ARL8A: variants seen among roughly 807,000 people sequenced by gnomAD.
ARL8A encodes ADP-ribosylation factor-like protein 8A.
In ARL8A, 10 loss-of-function variants were observed where a neutral mutation model predicts 31.2. The observed-to-expected ratio is 0.32, with a 90% CI of 0.20 to 0.54. The LOEUF (loss-of-function observed/expected upper bound fraction) is 0.54, where lower values mean the gene tolerates loss of function less well. ARL8A is among the 20% of genes least tolerant of loss of function. The pLI, the probability that ARL8A is intolerant of heterozygous loss-of-function variation, is 0.93. For synonymous variants in ARL8A, 70 were observed against 86.9 expected, an observed-to-expected ratio of 0.81 and a Z score of 1.08; for missense variants, 129 against 242.8, an observed-to-expected ratio of 0.53 and a Z score of 3.12.
At chr1:202,140,855 T>C (rs527252515) in intron 1 of ARL8A, among the ~76,000 whole-genome samples, 1 of 152,308 alleles carries the variant, frequency 6.6e-6, no homozygotes, top group East Asian at 1.9e-4. Context: ...CTTGTTTGTC[T>C]CTCATCCCAG....
At chr1:202,140,417 A>C (rs1383958472) in intron 1 of ARL8A, among the ~76,000 whole-genome samples, 1 of 151,676 alleles carries the variant, frequency 6.6e-6, no homozygotes, top group East Asian at 1.9e-4. Flanking sequence ...CTGGGATTAC[A>C]GGCGTGAGCC....
rs2147809860 is a variant in ARL8A at position 202,134,661 on chromosome 1, AT to A, written c.512-146del. On this transcript the variant is annotated intron_variant, in intron 6 of 6. Coordinates refer to ENST00000272217, the MANE Select transcript of ARL8A (RefSeq NM_138795.4). This position sits in a 1 kb window ranked among gnomAD's most constrained non-coding sequence, Gnocchi z 4.2. ...GGCGCACACCTGGAGTCTCAGCTAC[AT>A]GGGAAGCTCAGGTGAGAGGATTGCT... 1 of 751,158 alleles carries A rather than the reference AT, an allele frequency of 1.3e-6. No individual in the cohort carries two copies. The highest frequency in any genetic ancestry group is 2.5e-5 in the East Asian group (1 of 39,920). The allele number at this position is 751,158 out of a possible 1,614,324, so 46.5% of individuals were successfully genotyped here.
rs1654974581 is a variant in ARL8A, at chr1:202,135,297, T to C, written c.441-77A>G. 2 of 1,510,066 alleles carry C rather than the reference T, an allele frequency of 1.3e-6. No individual in the cohort carries two copies. Among genetic ancestry groups the C allele is most frequent in the Non-Finnish European group, 1.8e-6 (2 of 1,086,610 alleles). The allele number at this position is 1,510,066 out of a possible 1,614,324, so 93.5% of individuals were successfully genotyped here. ...TGGGGCTAGGGGACAGCGGGGCCTT[T>C]TTCTTACCTAAGAGGCTACAAAGGG... On this transcript the variant is annotated intron_variant, in intron 5 of 6. Coordinates refer to ENST00000272217, the MANE Select transcript of ARL8A (RefSeq NM_138795.4). The surrounding 1 kb of genome is among the most constrained non-coding windows in gnomAD (Gnocchi z 5.3).
chr1:202,134,588 A>G lies in ARL8A; in HGVS notation c.512-72T>C. The G allele has an allele frequency of 7.0e-7, 1 of 1,420,182 alleles. No individual in the cohort carries two copies. Among genetic ancestry groups the G allele is most frequent in the Non-Finnish European group, 1.0e-6 (1 of 1,003,512 alleles). The allele number at this position is 1,420,182 out of a possible 1,614,324, so 88.0% of individuals were successfully genotyped here. A position where few individuals can be genotyped will look rare whatever the true frequency, so the allele number is the denominator to read the frequency against. On this transcript the variant is annotated intron_variant, in intron 6 of 6. Transcript: ENST00000272217. This position sits in a 1 kb window ranked among gnomAD's most constrained non-coding sequence, Gnocchi z 4.2. ...CGTGCTGGGGCAGCAGAGAGGCCCA[A>G]GAAACCAAACCTAAGGGTATCAGAA...
chr1:202,144,465 G>A lies in ARL8A; in HGVS notation c.108C>T (p.Phe36=). The A allele has an allele frequency of 6.9e-7, 1 of 1,454,552 alleles. No individual in the cohort carries two copies. The highest frequency in any genetic ancestry group is 9.2e-7 in the Non-Finnish European group (1 of 1,082,076). The allele number at this position is 1,454,552 out of a possible 1,614,324, so 90.1% of individuals were successfully genotyped here. Residue 36 remains phenylalanine, a synonymous_variant, in exon 1 of 7, where the codon TTC becomes TTT. Transcript: ENST00000272217. The surrounding 1 kb of genome is among the most constrained non-coding windows in gnomAD (Gnocchi z 5.2). ...GCCCTCGTACCGCGATCACGTTGAC[G>A]AAGGTGGTCTTGCCCGAGTACTGAA... ...VGLQYSGKTT[F]VNVIASGQFN...
rs1571721506 is a variant in ARL8A at position 202,139,838 on chromosome 1, G to C, written c.124-1390C>G. On this transcript the variant is annotated intron_variant, in intron 1 of 6. Transcript: ENST00000272217. ...AATTTTTGTATTTTTAGTAGAGACA[G>C]GGTTTCACCACATTGGCCAGGATGG... is the stretch of plus-strand genomic sequence containing the variant. 3.3e-5 allele frequency among the ~76,000 whole-genome samples: 5 copies of C among 151,606 alleles called. No homozygotes were observed. The East Asian group carries it at 1.0e-3, about 30-fold the overall frequency.
Position 202,134,368 on chromosome 1 carries a change from A to G in ARL8A, c.*99T>C. 1 of 1,132,600 alleles carries G rather than the reference A, an allele frequency of 8.8e-7. No individual in the cohort carries two copies. Among genetic ancestry groups the G allele is most frequent in the Admixed American group, 1.8e-5 (1 of 54,632 alleles). The allele number at this position is 1,132,600 out of a possible 1,614,324, so 70.2% of individuals were successfully genotyped here. ...CAGAGGGCCCTCCTCACACTGGGTG[A>G]GGAGGGGTGGGCTTAGGGGGACGAC... On this transcript the variant is annotated 3_prime_UTR_variant, in exon 7 of 7. Transcript: ENST00000272217. The surrounding 1 kb of genome is among the most constrained non-coding windows in gnomAD (Gnocchi z 4.2).
chr1:202,144,426 A>T lies in ARL8A; in HGVS notation c.123+24T>A, dbSNP rs759074034. Reference sequence around the variant, plus strand: ...CCCGACCCGCGGCCCGCGCCCGGGGACCCCGCGCCCGACGCCCTCGTACCG... The same window carrying T: ...CCCGACCCGCGGCCCGCGCCCGGGGTCCCCGCGCCCGACGCCCTCGTACCG... On this transcript the variant is annotated intron_variant, in intron 1 of 6. Coordinates refer to ENST00000272217, the MANE Select transcript of ARL8A (RefSeq NM_138795.4). This position sits in a 1 kb window ranked among gnomAD's most constrained non-coding sequence, Gnocchi z 5.2. 1.5e-6 allele frequency: 2 copies of T among 1,369,392 alleles called. No individual in the cohort carries two copies. Among genetic ancestry groups the T allele is most frequent in the South Asian group, 1.2e-5 (1 of 80,170 alleles). The allele number at this position is 1,369,392 out of a possible 1,614,324, so 84.8% of individuals were successfully genotyped here. A position where few individuals can be genotyped will look rare whatever the true frequency, so the allele number is the denominator to read the frequency against.
Position 202,135,033 on chromosome 1 carries a change from T to A in ARL8A, c.511+117A>T. The A allele has an allele frequency of 9.5e-7, 1 of 1,052,182 alleles. No homozygotes were observed. The highest frequency in any genetic ancestry group is 1.4e-6 in the Non-Finnish European group (1 of 702,374). 65.2% of individuals were successfully genotyped at this position (1,052,182 alleles called of 1,614,324 possible). On this transcript the variant is annotated intron_variant, in intron 6 of 6. Transcript: ENST00000272217. The surrounding 1 kb of genome is among the most constrained non-coding windows in gnomAD (Gnocchi z 5.3). ...ATCTGGGCCACCTGGCTGCCTTTTC[T>A]ACCCAAGAGCCACAGGGCTTTGGAC...
At chr1:202,137,689 T>C (rs1451886483) in intron 3 of ARL8A, among the ~76,000 whole-genome samples, 6 of 151,794 alleles carry the variant, frequency 4.0e-5, no homozygotes, top group Non-Finnish European at 7.4e-5. Flanking sequence ...GACTTTGGGT[T>C]GAGGGGAGGG....
Position 202,138,514 on chromosome 1 carries a change from G to A in ARL8A, c.124-66C>T. On this transcript the variant is annotated intron_variant, in intron 1 of 6. Coordinates refer to ENST00000272217, the MANE Select transcript of ARL8A (RefSeq NM_138795.4). The surrounding 1 kb of genome is among the most constrained non-coding windows in gnomAD (Gnocchi z 4.4). ...ATATGCCCCCACCGCAGACCAAGAG[G>A]CTGCGAGAACCATGCAGAGGCCAGG... The A allele has an allele frequency of 6.7e-7, 1 of 1,483,504 alleles. No individual in the cohort carries two copies. Among genetic ancestry groups the A allele is most frequent in the South Asian group, 1.1e-5 (1 of 88,092 alleles). 91.9% of individuals were successfully genotyped at this position (1,483,504 alleles called of 1,614,324 possible). A position where few individuals can be genotyped will look rare whatever the true frequency, so the allele number is the denominator to read the frequency against.
In ARL8A at chr1:202,135,576, T is replaced by C. The variant is rs772560418; in HGVS notation, c.373-50A>G. Reference sequence around the variant, plus strand: ...GAGGTCTAGGGCAGCCGTGCCCAGGTTGTCTGGGTGGTGAGCTGGCCTCCT... The same window carrying C: ...GAGGTCTAGGGCAGCCGTGCCCAGGCTGTCTGGGTGGTGAGCTGGCCTCCT... On this transcript the variant is annotated intron_variant, in intron 4 of 6. Transcript: ENST00000272217. This position sits in a 1 kb window ranked among gnomAD's most constrained non-coding sequence, Gnocchi z 5.3. 1 of 1,603,008 alleles carries C rather than the reference T, an allele frequency of 6.2e-7. No homozygotes were observed. Among genetic ancestry groups the C allele is most frequent in the Non-Finnish European group, 8.5e-7 (1 of 1,170,240 alleles).
At chr1:202,137,572 G>A (rs535795659) in intron 3 of ARL8A, among the ~76,000 whole-genome samples, 1 of 151,876 alleles carries the variant, frequency 6.6e-6, no homozygotes, top group Non-Finnish European at 1.5e-5. Context: ...AGGTTGTGGT[G>A]AGCCGAGATC....
Position 202,137,616 on chromosome 1 carries a change from G to A in ARL8A, c.278+349C>T, listed in dbSNP as rs893628448. Reference sequence around the variant, plus strand: ...GCACGCCAGCCTGGGCAACAAGAGCGAAACTCCGTCTCAAAAAAAAAAAAA... The same window carrying A: ...GCACGCCAGCCTGGGCAACAAGAGCAAAACTCCGTCTCAAAAAAAAAAAAA... On this transcript the variant is annotated intron_variant, in intron 3 of 6. Transcript: ENST00000272217. Among the ~76,000 whole-genome samples the A allele has an allele frequency of 2.8e-5, 4 of 142,850 alleles. No homozygotes were observed. In the East Asian group the frequency reaches 7.9e-4, roughly 28 times the overall value. 93.7% of individuals were successfully genotyped at this position (142,850 alleles called of 152,430 possible). A position where few individuals can be genotyped will look rare whatever the true frequency, so the allele number is the denominator to read the frequency against.
rs201852246 is a variant in ARL8A at position 202,138,350 on chromosome 1, A to C, written c.204+18T>G. On this transcript the variant is annotated intron_variant, in intron 2 of 6. Transcript: ENST00000272217. This position sits in a 1 kb window ranked among gnomAD's most constrained non-coding sequence, Gnocchi z 4.4. ...ACAAAAACAGTCCTCTGCACCCCCCAAGCTTCTGGGCCCTCACCTTGATAG... is the reference window on the plus strand; with the variant it reads ...ACAAAAACAGTCCTCTGCACCCCCCCAGCTTCTGGGCCCTCACCTTGATAG... 6 of 1,605,876 alleles carry C rather than the reference A, an allele frequency of 3.7e-6. No homozygotes were observed. In the East Asian group the frequency reaches 1.1e-4, roughly 30 times the overall value.
intron 3 of ARL8A, among the ~76,000 whole-genome samples, chr1:202,137,643 GA>G (rs1235833852): frequency 6.7e-6 from 1 of 148,398 alleles, no homozygotes; most frequent in Admixed American, 6.7e-5. Context: ...AAAAAAAAAA[GA>G]ATCATTTAAA....
chr1:202,135,816 G>A lies in ARL8A; in HGVS notation c.279-16C>T. Reference sequence around the variant, plus strand: ...CACCATGTACCTGGGGAAAGAGGCAGGGTGGGGACAAGCATGTTGACACCA... The same window carrying A: ...CACCATGTACCTGGGGAAAGAGGCAAGGTGGGGACAAGCATGTTGACACCA... On this transcript the variant is annotated splice_polypyrimidine_tract_variant and intron_variant, in intron 3 of 6. Transcript: ENST00000272217. The surrounding 1 kb of genome is among the most constrained non-coding windows in gnomAD (Gnocchi z 5.3). 1 of 1,605,832 alleles carries A rather than the reference G, an allele frequency of 6.2e-7. No individual in the cohort carries two copies. The highest frequency in any genetic ancestry group is 8.5e-7 in the Non-Finnish European group (1 of 1,172,468).
At position 202,135,395 on chromosome 1, in the gene ARL8A, G is replaced by A; in HGVS notation, c.440+64C>T. 9 of 1,570,368 alleles carry A rather than the reference G, an allele frequency of 5.7e-6. No homozygotes were observed. The highest frequency in any genetic ancestry group is 7.9e-6 in the Non-Finnish European group (9 of 1,140,250). ...AATACTAAGAACAGCAGCAAGCCTA[G>A]GCTGTTGGTCTGGTGGTTGGGGAAT... On this transcript the variant is annotated intron_variant, in intron 5 of 6. Coordinates refer to ENST00000272217, the MANE Select transcript of ARL8A (RefSeq NM_138795.4). The surrounding 1 kb of genome is among the most constrained non-coding windows in gnomAD (Gnocchi z 5.3).
In ARL8A at chr1:202,134,431, T is replaced by G. The variant is rs2147809723; in HGVS notation, c.*36A>C. On this transcript the variant is annotated 3_prime_UTR_variant, in exon 7 of 7. Transcript: ENST00000272217. This position sits in a 1 kb window ranked among gnomAD's most constrained non-coding sequence, Gnocchi z 4.2. ...GGAGCTCGGCTTCAGGTTTAGATGA[T>G]GACGGTCCCTGGTCTGAGGGAGAAG... 2 of 1,600,712 alleles carry G rather than the reference T, an allele frequency of 1.2e-6. No homozygotes were observed. The highest frequency in any genetic ancestry group is 3.5e-4 in the Middle Eastern group (2 of 5,772).
Sources: allele counts gnomAD v4.1 joint callset (sites outside exome capture counted in the v4.1 genomes callset), GRCh38; gene constraint gnomAD v4.1.1; non-coding constraint Gnocchi (gnomAD v3.1); transcripts MANE v1.5; gene names NCBI Gene and HGNC (gene_info 2026-07-23, HGNC 2026-07-21).